Variants in PKHD1L1 observed in about 807,000 individuals in gnomAD.
The protein encoded by PKHD1L1 is fibrocystin-L.
PKHD1L1 carries 434 observed loss-of-function variants against 462.9 expected under a neutral mutation model. The ratio of observed to expected loss-of-function variants is 0.94; its 90% CI spans 0.87 to 1.02. The LOEUF is 1.02. Among genes scored for constraint, PKHD1L1 ranks in the 50% least tolerant of loss-of-function variants. The pLI is 0.00. For missense variants in PKHD1L1, 5,202 were observed against 5,096.1 expected (o/e 1.02, Z -0.63); for synonymous variants, 1,781 against 1,750.0 (o/e 1.02, Z -0.44).
intron 12 of PKHD1L1, 30 bp from the exon 13 acceptor site, chr8:109,400,046 G>A (rs750841573): frequency 3.2e-6 from 5 of 1,576,876 alleles, no homozygotes; most frequent in Non-Finnish European, 1.7e-6. Flanking sequence ...TGATCCTGAT[G>A]AAAGTCTTAT....
Position 109,487,882 on chromosome 8 carries a change from GA to G in PKHD1L1, c.9880+1062del, listed in dbSNP as rs1267530052. 2.2e-4 allele frequency among the ~76,000 whole-genome samples: 20 copies of G among 89,622 alleles called. No homozygotes were observed. The South Asian group carries it at 6.6e-3, about 29-fold the overall frequency. The allele number at this position is 89,622 out of a possible 152,430, so 58.8% of individuals were successfully genotyped here. ...AGAGAGAAAGACAGAGAGAAAGAGA[GA>G]GAGAGAGAGGAAGGAAGGAAGGAAG... On this transcript the variant is annotated intron_variant, in intron 59 of 77. Coordinates refer to ENST00000378402, the MANE Select transcript of PKHD1L1 (RefSeq NM_177531.6).
chr8:109,478,090 A>G (rs1014005954), intron 53 of PKHD1L1, among the ~76,000 whole-genome samples: 1 of 152,162 alleles, frequency 6.6e-6, no homozygotes, highest in Non-Finnish European at 1.5e-5. Flanking sequence ...AAACATGATG[A>G]TGATGCTAAA....
In PKHD1L1 at chr8:109,445,153, T is replaced by C; in HGVS notation, c.5284T>C (p.Ser1762Pro). The C allele has an allele frequency of 6.2e-7, 1 of 1,613,890 alleles. No individual in the cohort carries two copies. Among genetic ancestry groups the C allele is most frequent in the South Asian group, 1.1e-5 (1 of 91,086 alleles). ...TGVFPNSVIG[S>P]VKVLIEGEGL... Reference sequence around the variant, plus strand: ...AGTCTTCCCAAACTCTGTCATAGGATCTGTAAAAGTTCTTATTGAAGGAGA... The same window carrying C: ...AGTCTTCCCAAACTCTGTCATAGGACCTGTAAAAGTTCTTATTGAAGGAGA... Residue 1762 changes from serine (S) to proline (P), a missense_variant, in exon 38 of 78, where the codon TCT becomes CCT. Ser to Pro is a moderately conservative substitution (Grantham distance 74, BLOSUM62 -1). This residue lies in a region of PKHD1L1 where 4,497 missense variants were observed against 4,336.8 expected (regional missense o/e 1.04). Transcript: ENST00000378402.
chr8:109,365,545 T>C (rs1462765997), intron 2 of PKHD1L1, among the ~76,000 whole-genome samples: 2 of 152,198 alleles, frequency 1.3e-5, no homozygotes, highest in Non-Finnish European at 2.9e-5. Context: ...AATATAATTG[T>C]TAAAGATTAT....
chr8:109,451,238 A>G, intron 41 of PKHD1L1, 89 bp downstream of exon 41: 1 of 1,362,812 alleles, frequency 7.3e-7, no homozygotes, highest in South Asian at 1.5e-5. Context: ...CAGTGCAGAA[A>G]TACAGTCATG....
intron 50 of PKHD1L1, chr8:109,470,688 A>C (rs1586580740): frequency 6.3e-7 from 1 of 1,580,716 alleles, no homozygotes; most frequent in East Asian, 2.2e-5. Context: ...AACAGGAAAA[A>C]GGAATGGCAA....
At chr8:109,468,094 C>T (rs538493577) in intron 50 of PKHD1L1, among the ~76,000 whole-genome samples, 8 of 152,002 alleles carry the variant, frequency 5.3e-5, no homozygotes, top group East Asian at 1.9e-4. Context: ...AAATTTTAAA[C>T]GATGTATCTC....
At position 109,448,163 on chromosome 8, in the gene PKHD1L1, G is replaced by T. The variant is rs762661875; in HGVS notation, c.5797G>T (p.Glu1933Ter). 38 of 1,604,646 alleles carry T rather than the reference G, an allele frequency of 2.4e-5. 1 individual carries two copies. The highest frequency in any genetic ancestry group is 6.8e-6 in the Non-Finnish European group (8 of 1,175,336). Residue 1933 changes from glutamate (E) to a stop codon, truncating the protein, a stop_gained, in exon 39 of 78, where the codon GAG (glutamate) becomes TAG (stop). Coordinates refer to ENST00000378402, the MANE Select transcript of PKHD1L1 (RefSeq NM_177531.6). LOFTEE classifies it high-confidence loss of function. ...TTAAGGTCCACCAGGAACTGAAATTGAGATCACTGGATCCAACTTTGGCTT... is the reference window on the plus strand; with the variant it reads ...TTAAGGTCCACCAGGAACTGAAATTTAGATCACTGGATCCAACTTTGGCTT... ...PSRGPPGTEI[E>*]ITGSNFGFEI...
intron 73 of PKHD1L1, among the ~76,000 whole-genome samples, chr8:109,520,066 G>C (rs541215571): frequency 6.6e-6 from 1 of 152,078 alleles, no homozygotes; most frequent in Non-Finnish European, 1.5e-5. Flanking sequence ...TCTTCCATTG[G>C]GGGGATAAGC....
intron 2 of PKHD1L1, among the ~76,000 whole-genome samples, chr8:109,368,198 C>T (rs1281835032): frequency 3.3e-5 from 5 of 152,152 alleles, no homozygotes; most frequent in African/African-American, 1.2e-4. Flanking sequence ...GGAGAAATAA[C>T]ATTTTACTTT....
rs1421514371 is a variant in PKHD1L1 at position 109,464,384 on chromosome 8, A to G, written c.7552A>G (p.Ile2518Val). The G allele has an allele frequency of 1.2e-6, 2 of 1,613,272 alleles. No homozygotes were observed. Among genetic ancestry groups the G allele is most frequent in the African/African-American group, 2.7e-5 (2 of 74,870 alleles). ...THHLLVERNI[I>V]YDIKGGAFFI... Reference sequence around the variant, plus strand: ...CCATCTTCTGGTTGAGAGGAATATTATATATGATATTAAGGGAGGAGCATT... The same window carrying G: ...CCATCTTCTGGTTGAGAGGAATATTGTATATGATATTAAGGGAGGAGCATT... Residue 2518 changes from isoleucine to valine, a missense_variant, in exon 49 of 78, where the codon ATA becomes GTA. Around this residue, in one of 3 missense-constraint regions of PKHD1L1, gnomAD observed 4,497 missense variants for 4,336.8 expected, o/e 1.04. Coordinates refer to ENST00000378402, the MANE Select transcript of PKHD1L1 (RefSeq NM_177531.6).
At chr8:109,456,455 G>A (rs1586554986) in intron 46 of PKHD1L1, 64 bp downstream of exon 46, 1 of 1,432,878 alleles carries the variant, frequency 7.0e-7, no homozygotes, top group Non-Finnish European at 9.2e-7. Flanking sequence ...TGTATAAAGA[G>A]GGACAATTCA....
At position 109,404,536 on chromosome 8, in the gene PKHD1L1, A is replaced by T; in HGVS notation, c.1374-18A>T. On this transcript the variant is annotated intron_variant, in intron 14 of 77. Transcript: ENST00000378402. The stretch of plus-strand genomic sequence containing the variant: ...GTTCTGGAAAAAAGTTATATTCATT[A>T]GTTACTCTATTTTCCAGATACTATA... 1 of 1,451,660 alleles carries T rather than the reference A, an allele frequency of 6.9e-7. No homozygotes were observed. The highest frequency in any genetic ancestry group is 1.5e-5 in the South Asian group (1 of 67,398). 89.9% of individuals were successfully genotyped at this position (1,451,660 alleles called of 1,614,324 possible). A position where few individuals can be genotyped will look rare whatever the true frequency, so the allele number is the denominator to read the frequency against.
intron 55 of PKHD1L1, 56 bp from the exon 56 acceptor site, chr8:109,481,377 T>A: frequency 6.8e-7 from 1 of 1,478,644 alleles, no homozygotes; most frequent in Non-Finnish European, 9.0e-7. Context: ...TTTTTATGGG[T>A]GGATTTTTTT....
At chr8:109,405,279 A>C in intron 16 of PKHD1L1, 149 bp downstream of exon 16, 1 of 494,632 alleles carries the variant, frequency 2.0e-6, no homozygotes, top group South Asian at 7.1e-5. Context: ...TATGGAAAAA[A>C]GCCTTCAGAC....
chr8:109,390,310 C>T (rs894460283), intron 8 of PKHD1L1, 142 bp from the exon 9 acceptor site: 7 of 435,298 alleles, frequency 1.6e-5, no homozygotes, highest in Non-Finnish European at 1.2e-5. Context: ...ATTTTTATTT[C>T]TTTGATGATG....
chr8:109,522,265 C>T lies in PKHD1L1; in HGVS notation c.12111C>T (p.Ile4037=). Residue 4037 remains isoleucine, a synonymous_variant, in exon 74 of 78, where the codon ATC becomes ATT. Coordinates refer to ENST00000378402, the MANE Select transcript of PKHD1L1 (RefSeq NM_177531.6). ...QAVILGNISS[I]LGFNISSMSI... ...TAATTTTAGGAAACATCAGTAGTAT[C>T]CTTGGATTTAACATTTCGTCCATGT... 1 of 1,604,146 alleles carries T rather than the reference C, an allele frequency of 6.2e-7. No individual in the cohort carries two copies.
rs542867704 is a variant in PKHD1L1 at position 109,371,613 on chromosome 8, T to C, written c.163+6977T>C. On this transcript the variant is annotated intron_variant, in intron 2 of 77. Transcript: ENST00000378402. ...GTCCTGAATGGTATTGCCTAGGTTT[T>C]CTTCTAGGGTTTTTATGGTTTTAGG... is the stretch of plus-strand genomic sequence containing the variant. Among the ~76,000 whole-genome samples the C allele has an allele frequency of 5.0e-4, 71 of 142,042 alleles. 1 individual carries two copies. The highest frequency in any genetic ancestry group is 3.2e-3 in the South Asian group (13 of 4,098). 93.2% of individuals were successfully genotyped at this position (142,042 alleles called of 152,430 possible). A position where few individuals can be genotyped will look rare whatever the true frequency, so the allele number is the denominator to read the frequency against.
chr8:109,494,132 A>G (rs1172604269), intron 63 of PKHD1L1, among the ~76,000 whole-genome samples: 2 of 151,950 alleles, frequency 1.3e-5, no homozygotes, highest in Non-Finnish European at 2.9e-5. Flanking sequence ...CTCACTATTC[A>G]TATGTTAAAC....
Sources: gnomAD v4.1 joint callset for allele counts (sites outside exome capture counted in the v4.1 genomes callset) on GRCh38, gnomAD v4.1.1 for gene constraint, gnomAD v4.1.1 regional missense constraint, MANE v1.5 for transcripts, NCBI Gene and HGNC (gene_info 2026-07-23, HGNC 2026-07-21) for gene names.